Variants in DGAT2 observed in about 807,000 individuals in gnomAD.
DGAT2 encodes the protein diacylglycerol O-acyltransferase 2.
In DGAT2, 33 loss-of-function variants were observed where a neutral mutation model predicts 48.4. The observed-to-expected ratio is 0.68, with a 90% CI of 0.52 to 0.91. The LOEUF (loss-of-function observed/expected upper bound fraction) is 0.91, where lower values mean the gene tolerates loss of function less well. DGAT2 is among the 40% of genes least tolerant of loss of function. The probability of loss-of-function intolerance (pLI) is 0.00; values close to 1 mark genes in which losing one functional copy is unlikely to be tolerated. For synonymous variants in DGAT2, 191 were observed against 194.1 expected (o/e 0.98, Z 0.13); for missense variants, 446 against 493.7 (o/e 0.90, Z 0.92).
rs1945067000 is a variant in DGAT2 at position 75,797,253 on chromosome 11, T to C, written c.730T>C (p.Ser244Pro). ...CATCGTGGTCGGGGGTGCGGCTGAGTCTCTGAGCTCCATGCCTGGCAAGAA... is the reference window on the plus strand; with the variant it reads ...CATCGTGGTCGGGGGTGCGGCTGAGCCTCTGAGCTCCATGCCTGGCAAGAA... The part of the protein sequence containing the change: ...IIIVVGGAAE[S>P]LSSMPGKNAV... Residue 244 changes from serine (S) to proline (P), a missense_variant, in exon 6 of 8, where the codon TCT becomes CCT. Physicochemically the swap from Ser to Pro is moderately conservative, Grantham distance 74 (BLOSUM62 -1). Transcript: ENST00000228027. 3 of 1,580,860 alleles carry C rather than the reference T, an allele frequency of 1.9e-6. No individual in the cohort carries two copies. The highest frequency in any genetic ancestry group is 1.2e-5 in the South Asian group (1 of 86,762).
intron 1 of DGAT2, among the ~76,000 whole-genome samples, chr11:75,781,137 C>T (rs968183861): frequency 1.3e-5 from 2 of 152,224 alleles, no homozygotes; most frequent in Non-Finnish European, 1.5e-5. Flanking sequence ...GCGGGTCTGA[C>T]TTTATCTTCA....
At chr11:75,790,340 C>G (rs778163077) in intron 3 of DGAT2, 45 bp downstream of exon 3, 12 of 1,481,476 alleles carry the variant, frequency 8.1e-6, no homozygotes, top group Non-Finnish European at 1.1e-5. Context: ...TCTAGGGATG[C>G]TCTTCCCCCT....
At chr11:75,790,580 G>A (rs1427965788) in intron 3 of DGAT2, 81 bp from the exon 4 acceptor site, 8 of 1,321,354 alleles carry the variant, frequency 6.1e-6, no homozygotes, top group Non-Finnish European at 7.7e-6. Context: ...CACCTGCTTG[G>A]GTTTCACACT....
intron 1 of DGAT2, 86 bp from the exon 2 acceptor site, chr11:75,784,532 G>T: frequency 5.8e-6 from 9 of 1,555,402 alleles, no homozygotes; most frequent in African/African-American, 1.4e-5. Context: ...ATCTAGAAGG[G>T]TACCTGTGGG....
chr11:75,798,173 T>C (rs539672823), intron 6 of DGAT2, 54 bp from the exon 7 acceptor site: 6 of 1,591,682 alleles, frequency 3.8e-6, no homozygotes, highest in South Asian at 2.2e-5. Flanking sequence ...TAGGCTGACA[T>C]AGAAACTGAA....
At position 75,800,603 on chromosome 11, in the gene DGAT2, T is replaced by G. The variant is rs1183513628; in HGVS notation, c.*95T>G. The G allele has an allele frequency of 3.6e-6, 5 of 1,396,948 alleles. No individual in the cohort carries two copies. In the African/African-American group the frequency reaches 7.3e-5, roughly 20 times the overall value. The allele number at this position is 1,396,948 out of a possible 1,614,324, so 86.5% of individuals were successfully genotyped here. A position where few individuals can be genotyped will look rare whatever the true frequency, so the allele number is the denominator to read the frequency against. On this transcript the variant is annotated 3_prime_UTR_variant, in exon 8 of 8. Transcript: ENST00000228027. ...GTGTCATGGGTGTCTGTGGGTTATT[T>G]AAAAGAAATTATAACAATTTTGCTA...
At chr11:75,771,928 T>G (rs977406358) in intron 1 of DGAT2, among the ~76,000 whole-genome samples, 2 of 152,138 alleles carry the variant, frequency 1.3e-5, no homozygotes, top group African/African-American at 4.8e-5. Context: ...GTTGTAAAAA[T>G]TAGTGCTGGA....
intron 1 of DGAT2, among the ~76,000 whole-genome samples, chr11:75,778,215 G>A (rs1944821193): frequency 6.6e-6 from 1 of 152,064 alleles, no homozygotes; most frequent in Admixed American, 6.5e-5. Context: ...GGGTTCTTGA[G>A]TATTTGGGTC....
intron 1 of DGAT2, among the ~76,000 whole-genome samples, chr11:75,771,550 T>A (rs1242273254): frequency 6.6e-6 from 1 of 152,146 alleles, no homozygotes; most frequent in East Asian, 1.9e-4. Context: ...TGTTGAGGAC[T>A]GCAACAGGCT....
At position 75,790,282 on chromosome 11, in the gene DGAT2, C is replaced by T; in HGVS notation, c.345C>T (p.Asn115=). ...TCACTTGGCTGGTGTTTGACTGGAA[C>T]ACACCCAAGAAAGGTAAGTGCAAGG... ...LYFTWLVFDW[N]TPKKGGRRSQ... The change falls in exon 3 of 8, where the codon AAC becomes AAT. Residue 115 remains asparagine (N), a synonymous_variant. Transcript: ENST00000228027. 6.2e-7 allele frequency: 1 copy of T among 1,613,948 alleles called. No individual in the cohort carries two copies. Among genetic ancestry groups the T allele is most frequent in the Non-Finnish European group, 8.5e-7 (1 of 1,179,812 alleles).
Position 75,798,237 on chromosome 11 carries a change from G to A in DGAT2, c.820G>A (p.Val274Ile), listed in dbSNP as rs775114294. ...GCCTCTCCCTTCCAGAGCTGACCTG[G>A]TTCCCATCTACTCCTTTGGAGAGAA... is the stretch of plus-strand genomic sequence containing the variant. Reference protein sequence around the residue: ...KLALRHGADLVPIYSFGENEV... With the variant: ...KLALRHGADLIPIYSFGENEV... The change falls in exon 7 of 8, where the codon GTT (valine) becomes ATT (isoleucine). Residue 274 changes from valine (V) to isoleucine (I), a missense_variant. By Grantham distance (29) the Val-to-Ile change is conservative. Coordinates refer to ENST00000228027, the MANE Select transcript of DGAT2 (RefSeq NM_032564.5). 1.2e-6 allele frequency: 2 copies of A among 1,614,178 alleles called. No individual in the cohort carries two copies. Among genetic ancestry groups the A allele is most frequent in the Non-Finnish European group, 1.7e-6 (2 of 1,180,010 alleles).
rs1386528396 is a variant in DGAT2, at chr11:75,800,390, C to G, written c.1049C>G (p.Pro350Arg). 1 of 1,614,184 alleles carries G rather than the reference C, an allele frequency of 6.2e-7. No individual in the cohort carries two copies. ...ATCACCATCCCCAAGCTGGAGCACC[C>G]AACCCAGCAAGACATCGACCTGTAC... The part of the protein sequence containing the change: ...EPITIPKLEH[P>R]TQQDIDLYHT... The change falls in exon 8 of 8, where the codon CCA (proline) becomes CGA (arginine). Residue 350 changes from proline to arginine, a missense_variant. Pro to Arg is a moderately radical substitution (Grantham distance 103). Transcript: ENST00000228027.
chr11:75,790,619 G>A, intron 3 of DGAT2, 42 bp from the exon 4 acceptor site: 2 of 1,598,544 alleles, frequency 1.3e-6, no homozygotes, highest in East Asian at 2.2e-5. Flanking sequence ...TTGCCCAAAT[G>A]TACCCCCACC....
Position 75,800,451 on chromosome 11 carries a change from C to A in DGAT2, c.1110C>A (p.Phe370Leu). ...ACATGGAGGCCCTGGTGAAGCTCTT[C>A]GACAAGCACAAGACCAAGTTCGGCC... is the stretch of plus-strand genomic sequence containing the variant. The part of the protein sequence containing the change: ...TMYMEALVKL[F>L]DKHKTKFGLP... The change falls in exon 8 of 8, where the codon TTC becomes TTA. Residue 370 changes from phenylalanine to leucine, a missense_variant. Physicochemically the swap from Phe to Leu is conservative, Grantham distance 22 (BLOSUM62 0). Transcript: ENST00000228027. 1 of 1,614,164 alleles carries A rather than the reference C, an allele frequency of 6.2e-7. No individual in the cohort carries two copies. Among genetic ancestry groups the A allele is most frequent in the Non-Finnish European group, 8.5e-7 (1 of 1,180,028 alleles).
chr11:75,779,297 T>C (rs1944836267), intron 1 of DGAT2, among the ~76,000 whole-genome samples: 1 of 152,206 alleles, frequency 6.6e-6, no homozygotes, highest in African/African-American at 2.4e-5. Flanking sequence ...GATATGTTCC[T>C]GAAGTCCAGG....
chr11:75,784,393 C>A, intron 1 of DGAT2: 1 of 473,782 alleles, frequency 2.1e-6, no homozygotes, highest in African/African-American at 1.9e-5. Flanking sequence ...CGATACCATT[C>A]CCATTGTGTA....
chr11:75,788,093 G>C (rs1353430464), intron 2 of DGAT2, among the ~76,000 whole-genome samples: 2 of 152,174 alleles, frequency 1.3e-5, no homozygotes, highest in East Asian at 3.9e-4. Flanking sequence ...AAGAGAGTTA[G>C]AGATTTCTGG....
At chr11:75,796,236 G>A in intron 4 of DGAT2, 92 bp from the exon 5 acceptor site, 1 of 1,112,460 alleles carries the variant, frequency 9.0e-7, no homozygotes. Context: ...AGGTCCAGGG[G>A]AAATGACACA....
chr11:75,800,294 A>T (rs1366657363), intron 7 of DGAT2, 60 bp from the exon 8 acceptor site: 3 of 1,577,062 alleles, frequency 1.9e-6, no homozygotes, highest in South Asian at 2.3e-5. Context: ...CTTCAGCATC[A>T]TGGTGGATGC....
Sources: allele counts gnomAD v4.1 joint callset (sites outside exome capture counted in the v4.1 genomes callset), GRCh38; gene constraint gnomAD v4.1.1; transcripts MANE v1.5; gene names NCBI Gene and HGNC (gene_info 2026-07-23, HGNC 2026-07-21).